Variants in R3HDM4 observed in about 807,000 individuals in gnomAD.
R3HDM4 encodes the protein R3H domain-containing protein 4.
A neutral mutation model predicts 31.3 loss-of-function variants in R3HDM4; 30 were observed. The ratio of observed to expected loss-of-function variants is 0.96; its 90% CI spans 0.72 to 1.30. The LOEUF (loss-of-function observed/expected upper bound fraction) is 1.30, where lower values mean the gene tolerates loss of function less well. R3HDM4 is among the 50% of genes most tolerant of loss of function. The probability of loss-of-function intolerance (pLI) is 0.00; values close to 1 mark genes in which losing one functional copy is unlikely to be tolerated. For synonymous variants in R3HDM4, 196 were observed against 156.6 expected (o/e 1.25, Z -1.88); for missense variants, 444 against 366.1 (o/e 1.21, Z -1.74).
chr19:904,805 G>A (rs916993550), intron 1 of R3HDM4, among the ~76,000 whole-genome samples: 2 of 151,934 alleles, frequency 1.3e-5, no homozygotes, highest in African/African-American at 4.8e-5. Context: ...CAGTCAAGGG[G>A]GTCAGAAATG....
chr19:899,412 T>C lies in R3HDM4; in HGVS notation c.703+28A>G. ...CTTTCCCAGGTTGAGCTGGCCAACT[T>C]GGGGTCTTGGGGGCCACCGGCACTT... On this transcript the variant is annotated intron_variant, in intron 7 of 7. Transcript: ENST00000361574. This position sits in a 1 kb window ranked among gnomAD's most constrained non-coding sequence, Gnocchi z 6.8. 1 of 1,612,700 alleles carries C rather than the reference T, an allele frequency of 6.2e-7. No individual in the cohort carries two copies.
chr19:904,276 G>A (rs116501587), intron 1 of R3HDM4, among the ~76,000 whole-genome samples: 2,049 of 152,268 alleles, frequency 0.013, 41 homozygotes, highest in African/African-American at 0.046. Flanking sequence ...TCGGACCTTC[G>A]CACAGGCGGC....
intron 7 of R3HDM4, 97 bp from the exon 8 acceptor site, chr19:897,637 G>A (rs2036758127): frequency 5.2e-6 from 5 of 954,736 alleles, no homozygotes; most frequent in East Asian, 5.4e-5. Context: ...TCTTCCCAGG[G>A]AGGTCACCGC....
chr19:901,026 C>A, intron 3 of R3HDM4, 74 bp from the exon 4 acceptor site: 2 of 1,480,598 alleles, frequency 1.4e-6, no homozygotes, highest in African/African-American at 1.4e-5. Context: ...CAAATGGGCA[C>A]GGTAAGGCCG....
chr19:903,525 G>T (rs2036864170), intron 1 of R3HDM4, among the ~76,000 whole-genome samples: 1 of 152,068 alleles, frequency 6.6e-6, no homozygotes, highest in Non-Finnish European at 1.5e-5. Flanking sequence ...AGGTAGGCGC[G>T]CACCGCAGCC....
At position 900,139 on chromosome 19, in the gene R3HDM4, G is replaced by A. The variant is rs199817764; in HGVS notation, c.483C>T (p.Pro161=). The change falls in exon 5 of 8, where the codon CCC becomes CCT. Residue 161 remains proline (P), a synonymous_variant. Transcript: ENST00000361574. ...GGAAGCACTCGCGGGGTGTATAGGC[G>A]GGGTCCTCTGCAGGAGTGGGGGAAC... ...GRGEDRRRED[P]AYTPRECFQR... is the part of the protein sequence containing the mutation. 257 of 1,579,336 alleles carry A rather than the reference G, an allele frequency of 1.6e-4. 1 individual carries two copies. In the East Asian group the frequency reaches 4.8e-3, roughly 30 times the overall value.
chr19:897,659 T>G, intron 7 of R3HDM4, 119 bp from the exon 8 acceptor site: 1 of 745,636 alleles, frequency 1.3e-6, no homozygotes, highest in Non-Finnish European at 2.2e-6. Context: ...AGCTGGTGTG[T>G]GCTGGTCACT....
rs1438449769 is a variant in R3HDM4, at chr19:901,481, C to A, written c.292G>T (p.Ala98Ser). 5.0e-6 allele frequency: 8 copies of A among 1,609,280 alleles called. No individual in the cohort carries two copies. The South Asian group carries it at 7.7e-5, about 16-fold the overall frequency. ...AAGATGCCTGGTGATGCAGGGGGTG[C>A]CAAGTCCCCATCCTCCAGGCCAGGC... ...GLPGLEDGDL[A>S]PPASPGIFAE... The change falls in exon 3 of 8, where the codon GCA becomes TCA. Residue 98 changes from alanine (A) to serine (S), a missense_variant. Ala to Ser is a moderately conservative substitution (Grantham distance 99, BLOSUM62 1). Transcript: ENST00000361574.
chr19:906,559 G>A (rs1448540298), intron 1 of R3HDM4, among the ~76,000 whole-genome samples: 1 of 151,998 alleles, frequency 6.6e-6, no homozygotes. Flanking sequence ...CAAAAAGTGG[G>A]AACAAGTTGG....
chr19:898,555 C>T lies in R3HDM4; in HGVS notation c.703+885G>A, dbSNP rs548874385. Among the ~76,000 whole-genome samples the T allele has an allele frequency of 5.3e-5, 8 of 152,124 alleles. No individual in the cohort carries two copies. The East Asian group carries it at 1.2e-3, about 22-fold the overall frequency. The stretch of plus-strand genomic sequence containing the variant: ...TGGAGGTTGCAGTGAGTAAAGATTA[C>T]GCCACTGCACTCCAGCCTGGGTGGC... On this transcript the variant is annotated intron_variant, in intron 7 of 7. Transcript: ENST00000361574.
chr19:911,898 A>G lies in R3HDM4; in HGVS notation c.71+1189T>C, dbSNP rs936962491. On this transcript the variant is annotated intron_variant, in intron 1 of 7. Coordinates refer to ENST00000361574, the MANE Select transcript of R3HDM4 (RefSeq NM_138774.4). ...AGCAAGGAGCCGGGTCTGCCCGGAAAGGCAGGGGGCGCGGACAAGCCCAGA... is the reference window on the plus strand; with the variant it reads ...AGCAAGGAGCCGGGTCTGCCCGGAAGGGCAGGGGGCGCGGACAAGCCCAGA... Among the ~76,000 whole-genome samples, 3 of 151,804 alleles carry G rather than the reference A, an allele frequency of 2.0e-5. No individual in the cohort carries two copies. The South Asian group carries it at 6.2e-4, about 32-fold the overall frequency.
chr19:900,208 C>CAGACCACGCCCACCCAGGGA (rs1174834232), intron 4 of R3HDM4, 62 bp from the exon 5 acceptor site: 27 of 1,356,364 alleles, frequency 2.0e-5, no homozygotes, highest in Non-Finnish European at 2.3e-5. Context: ...GCCCACCTGC[C>CAGACCACGCCCACCCAGGGA]AGACCACGCC....
At position 901,401 on chromosome 19, in the gene R3HDM4, T is replaced by C. The variant is rs369049005; in HGVS notation, c.351+21A>G. ...TGCCGGGGTCCCCGTGTGGAGGGAG[T>C]GAGGGGGTTGGGGGCCACACCTCCA... is the stretch of plus-strand genomic sequence containing the variant. On this transcript the variant is annotated intron_variant, in intron 3 of 7. Coordinates refer to ENST00000361574, the MANE Select transcript of R3HDM4 (RefSeq NM_138774.4). The C allele has an allele frequency of 9.5e-5, 151 of 1,594,058 alleles. 1 individual carries two copies. The African/African-American group carries it at 1.5e-3, about 16-fold the overall frequency.
intron 1 of R3HDM4, among the ~76,000 whole-genome samples, chr19:906,809 T>TTCTTGTTTTG (rs112556821): frequency 2.0e-5 from 3 of 149,626 alleles, no homozygotes; most frequent in Admixed American, 1.3e-4. Flanking sequence ...ATTTGGGGTT[T>TTCTTGTTTTG]TTTTGTTTTG....
chr19:899,758 C>T lies in R3HDM4; in HGVS notation c.562-72G>A. 1.6e-6 allele frequency: 2 copies of T among 1,270,998 alleles called. No individual in the cohort carries two copies. Among genetic ancestry groups the T allele is most frequent in the Non-Finnish European group, 2.1e-6 (2 of 933,214 alleles). 78.7% of individuals were successfully genotyped at this position (1,270,998 alleles called of 1,614,324 possible). On this transcript the variant is annotated intron_variant, in intron 5 of 7. Coordinates refer to ENST00000361574, the MANE Select transcript of R3HDM4 (RefSeq NM_138774.4). The surrounding 1 kb of genome is among the most constrained non-coding windows in gnomAD (Gnocchi z 6.8). ...GGGGGGCCAGGGAGGTCCAGGGCCC[C>T]CAGGAGCCCACAGCGCTGGGCTCAA... is the stretch of plus-strand genomic sequence containing the variant.
Position 899,893 on chromosome 19 carries a change from C to T in R3HDM4, c.561+168G>A, listed in dbSNP as rs112667368. On this transcript the variant is annotated intron_variant, in intron 5 of 7. Coordinates refer to ENST00000361574, the MANE Select transcript of R3HDM4 (RefSeq NM_138774.4). This position sits in a 1 kb window ranked among gnomAD's most constrained non-coding sequence, Gnocchi z 6.8. ...AAACTCCTACACACCCTGCAGTGCC[C>T]GCCTTCGTTGCCCCCGCCCTCCTAC... Among the ~76,000 whole-genome samples, 8 of 152,258 alleles carry T rather than the reference C, an allele frequency of 5.3e-5. No homozygotes were observed. Among genetic ancestry groups the T allele is most frequent in the African/African-American group, 1.4e-4 (6 of 41,544 alleles).
intron 7 of R3HDM4, among the ~76,000 whole-genome samples, chr19:897,831 T>G (rs570731138): frequency 5.4e-4 from 83 of 152,358 alleles, no homozygotes; most frequent in African/African-American, 1.9e-3. Flanking sequence ...TGAGGCCGCA[T>G]GGCCACTCAC....
In R3HDM4 at chr19:899,962, T is replaced by G; in HGVS notation, c.561+99A>C. On this transcript the variant is annotated intron_variant, in intron 5 of 7. Coordinates refer to ENST00000361574, the MANE Select transcript of R3HDM4 (RefSeq NM_138774.4). The surrounding 1 kb of genome is among the most constrained non-coding windows in gnomAD (Gnocchi z 6.8). Reference sequence around the variant, plus strand: ...TGTCTGTATCCTGCCCTGTTTCCCCTGACACGACCTGCACCGGGTGAGAAC... The same window carrying G: ...TGTCTGTATCCTGCCCTGTTTCCCCGGACACGACCTGCACCGGGTGAGAAC... 7.8e-7 allele frequency: 1 copy of G among 1,275,404 alleles called. No individual in the cohort carries two copies. The highest frequency in any genetic ancestry group is 1.1e-6 in the Non-Finnish European group (1 of 884,850). The allele number at this position is 1,275,404 out of a possible 1,614,324, so 79.0% of individuals were successfully genotyped here.
At chr19:906,326 TCTC>T (rs1264229221) in intron 1 of R3HDM4, among the ~76,000 whole-genome samples, 2 of 151,480 alleles carry the variant, frequency 1.3e-5, no homozygotes, top group Non-Finnish European at 2.9e-5. Flanking sequence ...TTCACGCCAT[TCTC>T]CTGCCTCAGC....
Sources: gnomAD v4.1 joint callset for allele counts (sites outside exome capture counted in the v4.1 genomes callset) on GRCh38, gnomAD v4.1.1 for gene constraint, Gnocchi (gnomAD v3.1) non-coding constraint, MANE v1.5 for transcripts, NCBI Gene and HGNC (gene_info 2026-07-23, HGNC 2026-07-21) for gene names.